The following SH3TC2 variants were observed in gnomAD, a reference collection of about 807,000 sequenced individuals.
SH3TC2 encodes SH3 domain and tetratricopeptide repeats 2, also known as SH3 domain and tetratricopeptide repeat-containing protein 2.
In SH3TC2, 87 loss-of-function variants were observed where a neutral mutation model predicts 124.5. The ratio of observed to expected loss-of-function variants is 0.70; its 90% CI spans 0.59 to 0.84. The LOEUF is 0.84. SH3TC2 is among the 40% of genes least tolerant of loss of function. The pLI, the probability that SH3TC2 is intolerant of heterozygous loss-of-function variation, is 0.00. For missense variants in SH3TC2, 1,536 were observed against 1,566.4 expected, an observed-to-expected ratio of 0.98 and a Z score of 0.33; for synonymous variants, 634 against 628.5, an observed-to-expected ratio of 1.01 and a Z score of -0.13.
chr5:149,010,181 G>A, intron 14 of SH3TC2, 89 bp downstream of exon 14: 1 of 1,560,316 alleles, frequency 6.4e-7, no homozygotes, highest in Non-Finnish European at 8.8e-7. Flanking sequence ...AGCAAGAGAG[G>A]AGAAGAGGGA....
intron 4 of SH3TC2, chr5:149,044,139 G>T: frequency 5.0e-6 from 1 of 199,778 alleles, no homozygotes; most frequent in Non-Finnish European, 1.0e-5. Context: ...CTGGAACTTT[G>T]CTATTGACTA....
intron 6 of SH3TC2, 82 bp downstream of exon 6, chr5:149,041,334 T>C: frequency 7.0e-7 from 1 of 1,434,914 alleles, no homozygotes; most frequent in African/African-American, 1.4e-5. Context: ...TGGATGCCCA[T>C]ATCTGAAAGC....
intron 12 of SH3TC2, among the ~76,000 whole-genome samples, chr5:149,013,298 G>C (rs201807998): frequency 2.8e-5 from 3 of 106,144 alleles, no homozygotes; most frequent in East Asian, 6.9e-4. Flanking sequence ...AGTCTCATGA[G>C]ATCTGATGGT....
Position 149,026,966 on chromosome 5 carries a change from C to T in SH3TC2, c.2766G>A (p.Val922=), listed in dbSNP as rs779109376. ...CCAGAACTTGGGCCAACCAGAGAAA[C>T]ACCTGTACTAATTCCATGTCTGTCT... The part of the protein sequence containing the change: ...SKETDMELVQ[V]FLWLAQVLVS... The change falls in exon 11 of 17, where the codon GTG becomes GTA. Residue 922 remains valine (V), a synonymous_variant. Transcript: ENST00000515425. 3 of 1,614,058 alleles carry T rather than the reference C, an allele frequency of 1.9e-6. No individual in the cohort carries two copies. Among genetic ancestry groups the T allele is most frequent in the South Asian group, 2.2e-5 (2 of 91,088 alleles).
rs760971566 is a variant in SH3TC2, at chr5:149,040,663, T to A, written c.746A>T (p.Asn249Ile). The A allele has an allele frequency of 6.2e-7, 1 of 1,614,174 alleles. No individual in the cohort carries two copies. Among genetic ancestry groups the A allele is most frequent in the Non-Finnish European group, 8.5e-7 (1 of 1,180,014 alleles). ...PLPFHQWFLK[N>I]YPGSCGLSRK... is the part of the protein sequence containing the mutation. ...GGAAAGGCCACAGCTTCCTGGATAATTCTTTAGGAACCACCTGCCAATGAA... is the reference window on the plus strand; with the variant it reads ...GGAAAGGCCACAGCTTCCTGGATAAATCTTTAGGAACCACCTGCCAATGAA... Residue 249 changes from asparagine to isoleucine, a missense_variant, in exon 7 of 17, where the codon AAT (asparagine) becomes ATT (isoleucine). Around this residue, in one of 3 missense-constraint regions of SH3TC2, gnomAD observed 1,102 missense variants for 1,098.6 expected, o/e 1.00. Coordinates refer to ENST00000515425, the MANE Select transcript of SH3TC2 (RefSeq NM_024577.4).
At position 149,027,809 on chromosome 5, in the gene SH3TC2, G is replaced by T; in HGVS notation, c.1923C>A (p.Arg641=). 1 of 1,613,942 alleles carries T rather than the reference G, an allele frequency of 6.2e-7. No homozygotes were observed. Among genetic ancestry groups the T allele is most frequent in the South Asian group, 1.1e-5 (1 of 91,074 alleles). The change falls in exon 11 of 17, where the codon CGC becomes CGA. Residue 641 remains arginine, a synonymous_variant. Transcript: ENST00000515425. Reference sequence around the variant, plus strand: ...CGTGCCGGCCTAGGCTCAGGAGCAAGCGGATGGCCAGAAAGCAGGCCCTGG... The same window carrying T: ...CGTGCCGGCCTAGGCTCAGGAGCAATCGGATGGCCAGAAAGCAGGCCCTGG... ...LEARACFLAI[R]LLLSLGRHEE...
chr5:149,009,098 C>T (rs763466304), intron 14 of SH3TC2, 97 bp from the exon 15 acceptor site: 52 of 1,452,966 alleles, frequency 3.6e-5, no homozygotes, highest in Non-Finnish European at 3.5e-5. Context: ...GGTTGGGGAA[C>T]GGCAGTGGAC....
chr5:149,010,569 C>G (rs952673109), intron 13 of SH3TC2, among the ~76,000 whole-genome samples, 177 bp from the exon 14 acceptor site: 2 of 152,198 alleles, frequency 1.3e-5, no homozygotes, highest in African/African-American at 4.8e-5. Context: ...ATTCTCCAGT[C>G]TGGCATTTCC....
At position 149,003,044 on chromosome 5, in the gene SH3TC2, T is replaced by A. The variant is rs763957889; in HGVS notation, c.*1667A>T. 3 of 152,594 alleles carry A rather than the reference T, an allele frequency of 2.0e-5. No homozygotes were observed. Among genetic ancestry groups the A allele is most frequent in the Non-Finnish European group, 4.4e-5 (3 of 68,028 alleles). 9.5% of individuals were successfully genotyped at this position (152,594 alleles called of 1,614,324 possible). On this transcript the variant is annotated 3_prime_UTR_variant, in exon 17 of 17. Coordinates refer to ENST00000515425, the MANE Select transcript of SH3TC2 (RefSeq NM_024577.4). Reference sequence around the variant, plus strand: ...TTTTCATTTCAAACAATCTCACAGGTGATGCTGATGCTGCTGGTTAGTGGA... The same window carrying A: ...TTTTCATTTCAAACAATCTCACAGGAGATGCTGATGCTGCTGGTTAGTGGA...
rs551803988 is a variant in SH3TC2, at chr5:149,031,583, C to T, written c.1106G>A (p.Arg369His). ...ECSSFLHTLA[R>H]TDITSVYRLS... Reference sequence around the variant, plus strand: ...CCGGTAGACAGATGTGATGTCAGTGCGAGCAAGAGTGTGGAGGAAGCTGGA... The same window carrying T: ...CCGGTAGACAGATGTGATGTCAGTGTGAGCAAGAGTGTGGAGGAAGCTGGA... The change falls in exon 9 of 17, where the codon CGC becomes CAC. Residue 369 changes from arginine (R) to histidine (H), a missense_variant. Arg to His is a conservative substitution (Grantham distance 29). Transcript: ENST00000515425. The T allele has an allele frequency of 8.1e-5, 130 of 1,614,104 alleles. 1 individual carries two copies. In the South Asian group the frequency reaches 9.1e-4, roughly 11 times the overall value.
At position 149,010,471 on chromosome 5, in the gene SH3TC2, A is replaced by G. The variant is rs929077206; in HGVS notation, c.3205-79T>C. ...CACAGGACTGGCAGAGCTAAGACGC[A>G]GACCACCTAAATCAACTAATCCTCT... On this transcript the variant is annotated intron_variant, in intron 13 of 16. Coordinates refer to ENST00000515425, the MANE Select transcript of SH3TC2 (RefSeq NM_024577.4). 7 of 1,591,940 alleles carry G rather than the reference A, an allele frequency of 4.4e-6. No individual in the cohort carries two copies. The East Asian group carries it at 6.7e-5, about 15-fold the overall frequency.
chr5:149,041,735 T>A, intron 5 of SH3TC2, 118 bp from the exon 6 acceptor site: 1 of 1,128,302 alleles, frequency 8.9e-7, no homozygotes, highest in South Asian at 1.3e-5. Context: ...GGAAGTAAAG[T>A]AGACGTTTCA....
At chr5:149,031,035 A>C (rs888955222) in intron 9 of SH3TC2, among the ~76,000 whole-genome samples, 10 of 152,200 alleles carry the variant, frequency 6.6e-5, no homozygotes, top group African/African-American at 2.4e-4. Flanking sequence ...CACACCCAAC[A>C]ACTCAAAGTC....
chr5:149,048,799 G>C (rs1754509416), intron 2 of SH3TC2, among the ~76,000 whole-genome samples: 1 of 152,216 alleles, frequency 6.6e-6, no homozygotes, highest in Non-Finnish European at 1.5e-5. Flanking sequence ...GAGAGATGGA[G>C]TGCTTGAAGG....
At chr5:149,026,487 T>C in intron 12 of SH3TC2, 85 bp downstream of exon 12, 1 of 1,544,640 alleles carries the variant, frequency 6.5e-7, no homozygotes, top group Non-Finnish European at 8.9e-7. Flanking sequence ...CCATGTACAT[T>C]TGGACTTGCT....
rs567419558 is a variant in SH3TC2 at position 148,996,919 on chromosome 5, C to T, written c.*7792G>A. ...ATAGATAACAGTAAAATGTGTGACC[C>T]TAAATAAAAATACAGTAAAATGGAA... On this transcript the variant is annotated 3_prime_UTR_variant, in exon 17 of 17. Transcript: ENST00000515425. Among the ~76,000 whole-genome samples, 30 of 152,012 alleles carry T rather than the reference C, an allele frequency of 2.0e-4. No individual in the cohort carries two copies. The highest frequency in any genetic ancestry group is 7.2e-4 in the African/African-American group (30 of 41,452).
At chr5:149,012,523 A>G in intron 13 of SH3TC2, 61 bp downstream of exon 13, 2 of 1,590,332 alleles carry the variant, frequency 1.3e-6, no homozygotes, top group Non-Finnish European at 1.7e-6. Flanking sequence ...TTTGGAGGGT[A>G]CAGCTGCCTC....
rs1258171199 is a variant in SH3TC2 at position 148,999,525 on chromosome 5, A to G, written c.*5186T>C. Among the ~76,000 whole-genome samples, 1 of 152,194 alleles carries G rather than the reference A, an allele frequency of 6.6e-6. No homozygotes were observed. Among genetic ancestry groups the G allele is most frequent in the Non-Finnish European group, 1.5e-5 (1 of 68,038 alleles). On this transcript the variant is annotated 3_prime_UTR_variant, in exon 17 of 17. Transcript: ENST00000515425. ...TTGTCCACACATCTCAATGGGAGCAATTAAAAGAGGAAAAGAGACCAAAAC... is the reference window on the plus strand; with the variant it reads ...TTGTCCACACATCTCAATGGGAGCAGTTAAAAGAGGAAAAGAGACCAAAAC...
rs1292346299 is a variant in SH3TC2, at chr5:148,985,446, T to C, written c.*19265A>G. ...ATCCTGTAGTTTTTAAAATGCCATA[T>C]GGATTATATACAGTATGTAGCATTT... On this transcript the variant is annotated 3_prime_UTR_variant, in exon 17 of 17. Transcript: ENST00000515425. 6.6e-6 allele frequency among the ~76,000 whole-genome samples: 1 copy of C among 152,196 alleles called. No homozygotes were observed. The highest frequency in any genetic ancestry group is 1.5e-5 in the Non-Finnish European group (1 of 68,022).
Sources: allele counts gnomAD v4.1 joint callset (sites outside exome capture counted in the v4.1 genomes callset), GRCh38; gene constraint gnomAD v4.1.1; regional missense constraint gnomAD v4.1.1; transcripts MANE v1.5; gene names NCBI Gene and HGNC (gene_info 2026-07-23, HGNC 2026-07-21).